SYTL3: variants seen among roughly 807,000 people sequenced by gnomAD.
SYTL3 encodes synaptotagmin-like protein 3.
A neutral mutation model predicts 82.1 loss-of-function variants in SYTL3; 88 were observed. The observed-to-expected ratio is 1.07, with a 90% CI of 0.90 to 1.28. SYTL3 has a LOEUF of 1.28. Ranked by LOEUF, SYTL3 falls within the 50% of genes most tolerant of loss-of-function variation. SYTL3 has a pLI of 0.00. For synonymous variants in SYTL3, 311 were observed against 289.4 expected, an observed-to-expected ratio of 1.07 and a Z score of -0.76; for missense variants, 831 against 757.6, an observed-to-expected ratio of 1.10 and a Z score of -1.14.
intron 11 of SYTL3, among the ~76,000 whole-genome samples, chr6:158,727,071 C>T (rs1030211781): frequency 2.0e-4 from 30 of 151,992 alleles, no homozygotes; most frequent in African/African-American, 6.8e-4. Context: ...AGGATGGTCT[C>T]GATCTCCTGA....
intron 8 of SYTL3, among the ~76,000 whole-genome samples, chr6:158,710,159 C>G (rs184629551): frequency 3.5e-4 from 53 of 152,278 alleles, no homozygotes; most frequent in African/African-American, 1.2e-3. Flanking sequence ...ATGACAGTCA[C>G]ATGGGTATAA....
intron 12 of SYTL3, among the ~76,000 whole-genome samples, chr6:158,747,896 G>T (rs181147549): frequency 6.0e-4 from 91 of 152,158 alleles, no homozygotes; most frequent in African/African-American, 2.2e-3. Flanking sequence ...TGTATTGTAC[G>T]TATTTTATCC....
At chr6:158,738,056 G>T (rs992281367) in intron 11 of SYTL3, among the ~76,000 whole-genome samples, 2 of 152,098 alleles carry the variant, frequency 1.3e-5, no homozygotes, top group South Asian at 2.1e-4. Context: ...CTGGACAAGC[G>T]CAGCTGTGCC....
At position 158,688,498 on chromosome 6, in the gene SYTL3, C is replaced by T. The variant is rs192511940; in HGVS notation, c.394+5509C>T. Among the ~76,000 whole-genome samples the T allele has an allele frequency of 2.8e-4, 43 of 152,292 alleles. No homozygotes were observed. In the East Asian group the frequency reaches 4.4e-3, roughly 16 times the overall value. On this transcript the variant is annotated intron_variant, in intron 6 of 17. Coordinates refer to ENST00000611299, the MANE Select transcript of SYTL3 (RefSeq NM_001242394.2). ...AAACTAGACGCCAGGCTCAGTGGCT[C>T]ATGCCTGTAATCCCAGCATTTTGGG...
chr6:158,645,635 C>T (rs1787390957), upstream of SYTL3, among the ~76,000 whole-genome samples: 1 of 152,146 alleles, frequency 6.6e-6, no homozygotes, highest in African/African-American at 2.4e-5. Flanking sequence ...ATTTCTACCC[C>T]ATATGCTCGG....
At chr6:158,752,251 G>A (rs986030318) in intron 13 of SYTL3, among the ~76,000 whole-genome samples, 5 of 152,186 alleles carry the variant, frequency 3.3e-5, no homozygotes, top group African/African-American at 7.2e-5. Flanking sequence ...ACTCAGGAAT[G>A]GCTTTTGATT....
chr6:158,743,531 C>T (rs549552548), intron 11 of SYTL3, among the ~76,000 whole-genome samples: 1 of 150,970 alleles, frequency 6.6e-6, no homozygotes, highest in African/African-American at 2.4e-5. Flanking sequence ...TGCCAAGCTC[C>T]TCTGTCCATT....
intron 5 of SYTL3, among the ~76,000 whole-genome samples, chr6:158,671,745 A>AC (rs1169067523): frequency 4.2e-4 from 52 of 123,680 alleles, no homozygotes; most frequent in African/African-American, 1.7e-3. Flanking sequence ...AAAAAAAAAA[A>AC]AAAAGATAAT....
In SYTL3 at chr6:158,764,511, T is replaced by G; in HGVS notation, c.1740T>G (p.Val580=). The change falls in exon 18 of 18, where the codon GTT becomes GTG. Residue 580 remains valine, a synonymous_variant. Transcript: ENST00000611299. ...TRLGSKGDTA[V]GGDACSLSKL... is the part of the protein sequence containing the mutation. ...CTCTTACAGAGGGAGACACAGCTGT[T>G]GGCGGGGATGCATGCTCACTATCGA... The G allele has an allele frequency of 6.2e-7, 1 of 1,613,782 alleles. No homozygotes were observed. Among genetic ancestry groups the G allele is most frequent in the Non-Finnish European group, 8.5e-7 (1 of 1,179,864 alleles).
chr6:158,703,762 C>T (rs138586799), intron 6 of SYTL3, among the ~76,000 whole-genome samples: 88 of 151,906 alleles, frequency 5.8e-4, no homozygotes, highest in East Asian at 1.4e-3. Context: ...GTGGGACCTG[C>T]GGGTCCCCCT....
intron 11 of SYTL3, among the ~76,000 whole-genome samples, chr6:158,736,756 C>A (rs1251163310): frequency 6.7e-6 from 1 of 150,144 alleles, no homozygotes; most frequent in Non-Finnish European, 1.5e-5. Flanking sequence ...CCATTGTACT[C>A]CAGCCTGGGC....
chr6:158,762,909 T>TC (rs1790177895), intron 16 of SYTL3, among the ~76,000 whole-genome samples: 1 of 152,060 alleles, frequency 6.6e-6, no homozygotes, highest in African/African-American at 2.4e-5. Context: ...AGAACAAAAC[T>TC]CCGTCTCAAA....
intron 6 of SYTL3, among the ~76,000 whole-genome samples, chr6:158,693,207 T>A (rs1356667256): frequency 2.0e-5 from 3 of 152,220 alleles, no homozygotes; most frequent in African/African-American, 7.2e-5. Context: ...ATTTTAAAAA[T>A]TTTACATAGA....
At chr6:158,676,732 A>G (rs1778078899) in intron 5 of SYTL3, among the ~76,000 whole-genome samples, 1 of 152,242 alleles carries the variant, frequency 6.6e-6, no homozygotes, top group Non-Finnish European at 1.5e-5. Context: ...AACCCTATCA[A>G]CAAGTGGGCG....
chr6:158,700,822 T>C (rs542540315), intron 6 of SYTL3, among the ~76,000 whole-genome samples: 5 of 152,260 alleles, frequency 3.3e-5, no homozygotes, highest in African/African-American at 7.2e-5. Flanking sequence ...TTCACTGTGT[T>C]AGCCAGGATG....
At chr6:158,717,934 G>A (rs1783614201) in intron 9 of SYTL3, among the ~76,000 whole-genome samples, 153 bp from the exon 10 acceptor site, 1 of 152,154 alleles carries the variant, frequency 6.6e-6, no homozygotes, top group South Asian at 2.1e-4. Flanking sequence ...GCACTTGGTG[G>A]GGGAATGTGC....
At chr6:158,651,569 A>G (rs1788025250) in intron 1 of SYTL3, among the ~76,000 whole-genome samples, 184 bp from the exon 2 acceptor site, 2 of 152,256 alleles carry the variant, frequency 1.3e-5, no homozygotes, top group East Asian at 1.9e-4. Flanking sequence ...GCCTGGTGAC[A>G]GAGCGAGACT....
In SYTL3 at chr6:158,729,253, A is replaced by C. The variant is rs189429080; in HGVS notation, c.855+3616A>C. Among the ~76,000 whole-genome samples, 58 of 152,308 alleles carry C rather than the reference A, an allele frequency of 3.8e-4. No individual in the cohort carries two copies. The East Asian group carries it at 4.2e-3, about 11-fold the overall frequency. The stretch of plus-strand genomic sequence containing the variant: ...AAATTTATTTTTCATGGTCCTAGAC[A>C]CTGGGAAGTTCAGGATCTCAAGGCA... On this transcript the variant is annotated intron_variant, in intron 11 of 17. Transcript: ENST00000611299.
chr6:158,646,663 G>C (rs1269713722), upstream of SYTL3, among the ~76,000 whole-genome samples: 2 of 152,190 alleles, frequency 1.3e-5, no homozygotes, highest in Non-Finnish European at 2.9e-5. Context: ...GAGGAGACTT[G>C]CTGGGCAGGC....
Sources: gnomAD v4.1 joint callset for allele counts (sites outside exome capture counted in the v4.1 genomes callset) on GRCh38, gnomAD v4.1.1 for gene constraint, MANE v1.5 for transcripts, NCBI Gene and HGNC (gene_info 2026-07-23, HGNC 2026-07-21) for gene names.